Variants in RBFOX3 observed in about 807,000 individuals in gnomAD.
RBFOX3 encodes the protein RNA binding protein fox-1 homolog 3.
In RBFOX3, 17 loss-of-function variants were observed where a neutral mutation model predicts 48.7. The observed-to-expected ratio is 0.35, with a 90% confidence interval of 0.24 to 0.52. The LOEUF (loss-of-function observed/expected upper bound fraction) is 0.52, where lower values mean the gene tolerates loss of function less well. Among genes scored for constraint, RBFOX3 ranks in the 20% least tolerant of loss-of-function variants. RBFOX3 has a pLI of 0.94. For synonymous variants in RBFOX3, 212 were observed against 209.5 expected (o/e 1.01, Z -0.10); for missense variants, 382 against 497.5 (o/e 0.77, Z 2.21).
chr17:79,422,678 G>A (rs1181074047), intron 2 of RBFOX3, among the ~76,000 whole-genome samples: 1 of 125,490 alleles, frequency 8.0e-6, no homozygotes, highest in Non-Finnish European at 1.7e-5. Flanking sequence ...CGCAGTGGCG[G>A]GAACCCGGGG....
At chr17:79,171,032 A>C (rs557207011) in intron 4 of RBFOX3, among the ~76,000 whole-genome samples, 1 of 152,242 alleles carries the variant, frequency 6.6e-6, no homozygotes, top group African/African-American at 2.4e-5. Context: ...TCCGGTGGAG[A>C]TAAGCCTTAT....
In RBFOX3 at chr17:79,120,273, C is replaced by T. The variant is rs371135397; in HGVS notation, c.-33-4525G>A. ...CCTGTTCTACTCAGAAGAGTCTCAG[C>T]GTACAAGAACGGGTGGATGTACGTA... On this transcript the variant is annotated intron_variant, in intron 4 of 14. Coordinates refer to ENST00000693108, the MANE Select transcript of RBFOX3 (RefSeq NM_001350451.2). Among the ~76,000 whole-genome samples the T allele has an allele frequency of 1.5e-4, 23 of 152,156 alleles. No individual in the cohort carries two copies. In the South Asian group the frequency reaches 4.6e-3, roughly 30 times the overall value.
chr17:79,324,001 C>A (rs574968991), intron 2 of RBFOX3, among the ~76,000 whole-genome samples: 136 of 152,342 alleles, frequency 8.9e-4, no homozygotes, highest in Non-Finnish European at 1.7e-3. Context: ...GTGTTGGGTG[C>A]AGCAGGTGGG....
intron 2 of RBFOX3, among the ~76,000 whole-genome samples, chr17:79,414,738 C>A (rs538865528): frequency 6.6e-6 from 1 of 152,218 alleles, no homozygotes; most frequent in African/African-American, 2.4e-5. Context: ...GGGAAGACAG[C>A]GTGCCCACGG....
the RBFOX3 span, among the ~76,000 whole-genome samples, chr17:79,652,689 A>G: frequency 6.6e-6 from 1 of 151,574 alleles, no homozygotes; most frequent in African/African-American, 2.4e-5. Flanking sequence ...AGAAATGTAC[A>G]GTCGGTTTTT....
At chr17:79,612,808 C>T (rs1218551810), upstream of RBFOX3, among the ~76,000 whole-genome samples, 2 of 152,312 alleles carry the variant, frequency 1.3e-5, no homozygotes, top group South Asian at 2.1e-4. Flanking sequence ...CTCCAACTCC[C>T]GGCTGGGCCC....
chr17:79,519,132 GC>G (rs1368279817), intron 1 of RBFOX3, among the ~76,000 whole-genome samples: 1 of 152,248 alleles, frequency 6.6e-6, no homozygotes, highest in Non-Finnish European at 1.5e-5. Context: ...GGAAGCCCGA[GC>G]TTTGAACTCA....
chr17:79,330,693 C>T (rs998404883), intron 2 of RBFOX3, among the ~76,000 whole-genome samples: 1 of 152,102 alleles, frequency 6.6e-6, no homozygotes, highest in Non-Finnish European at 1.5e-5. Context: ...ACCATGTGGG[C>T]TTGGGGATCA....
the RBFOX3 span, among the ~76,000 whole-genome samples, chr17:79,659,489 G>A: frequency 6.6e-6 from 1 of 152,006 alleles, no homozygotes; most frequent in Non-Finnish European, 1.5e-5. Flanking sequence ...TCAAGGAACA[G>A]AAAGGTCAAG....
chr17:79,145,888 G>C (rs2042937593), intron 4 of RBFOX3, among the ~76,000 whole-genome samples: 1 of 152,302 alleles, frequency 6.6e-6, no homozygotes, highest in African/African-American at 2.4e-5. Context: ...CTGGTTTCAT[G>C]GAAGACAATT....
chr17:79,460,121 CTA>C (rs2149254393), intron 2 of RBFOX3, among the ~76,000 whole-genome samples: 1 of 152,206 alleles, frequency 6.6e-6, no homozygotes, highest in Non-Finnish European at 1.5e-5. Context: ...GGAGAGGCTG[CTA>C]ATGAGTACAG....
intron 1 of RBFOX3, among the ~76,000 whole-genome samples, chr17:79,607,187 G>T (rs2093851565): frequency 6.6e-6 from 1 of 152,220 alleles, no homozygotes; most frequent in African/African-American, 2.4e-5. Context: ...GGAATGGTAG[G>T]TTCCCTACCA....
intron 2 of RBFOX3, among the ~76,000 whole-genome samples, chr17:79,416,649 G>C (rs577115169): frequency 6.6e-6 from 1 of 152,214 alleles, no homozygotes; most frequent in East Asian, 1.9e-4. Context: ...CAGGAGAAGT[G>C]GAGGCCGGCC....
At chr17:79,424,722 C>T (rs968817439) in intron 2 of RBFOX3, among the ~76,000 whole-genome samples, 10 of 152,172 alleles carry the variant, frequency 6.6e-5, no homozygotes, top group East Asian at 5.8e-4. Context: ...TCTTCCCCCT[C>T]GGGCCGGGCC....
rs926418550 is a variant in RBFOX3 at position 79,572,577 on chromosome 17, G to T, written c.-320+38249C>A. Among the ~76,000 whole-genome samples, 582 of 152,292 alleles carry T rather than the reference G, an allele frequency of 3.8e-3. 9 individuals carry two copies. Among genetic ancestry groups the T allele is most frequent in the African/African-American group, 0.014 (565 of 41,554 alleles). On this transcript the variant is annotated intron_variant, in intron 1 of 14. Coordinates refer to ENST00000693108, the MANE Select transcript of RBFOX3 (RefSeq NM_001350451.2). The stretch of plus-strand genomic sequence containing the variant: ...CAGGGTGGGGGGAGGGAGGGGGAAG[G>T]GGAGCCAAGCTGAAGGCAGTGGGAG...
chr17:79,545,576 C>T (rs561834665), intron 1 of RBFOX3, among the ~76,000 whole-genome samples: 13 of 152,234 alleles, frequency 8.5e-5, no homozygotes, highest in Non-Finnish European at 1.9e-4. Context: ...CAGGTCGCTT[C>T]CTTCCAGGCA....
intron 1 of RBFOX3, among the ~76,000 whole-genome samples, chr17:79,593,324 A>C (rs1213628346): frequency 1.3e-5 from 2 of 152,120 alleles, no homozygotes; most frequent in African/African-American, 4.8e-5. Flanking sequence ...CTGTACATGC[A>C]TGCCGAGTTT....
chr17:79,399,366 G>C (rs1263580709), intron 2 of RBFOX3, among the ~76,000 whole-genome samples: 1 of 152,226 alleles, frequency 6.6e-6, no homozygotes, highest in Non-Finnish European at 1.5e-5. Flanking sequence ...TGGTAAATCA[G>C]CAGTTTTGCT....
At chr17:79,335,812 G>A (rs4482327) in intron 2 of RBFOX3, among the ~76,000 whole-genome samples, 124,512 of 152,130 alleles carry the variant, frequency 0.82, 51,526 homozygotes, top group Non-Finnish European at 0.89. Flanking sequence ...CCCTGGCACC[G>A]CACACTCAGG....
Sources: gnomAD v4.1 joint callset for allele counts (sites outside exome capture counted in the v4.1 genomes callset) on GRCh38, gnomAD v4.1.1 for gene constraint, MANE v1.5 for transcripts, NCBI Gene and HGNC (gene_info 2026-07-23, HGNC 2026-07-21) for gene names.